DSCAM: variants seen among roughly 807,000 people sequenced by gnomAD.
DSCAM encodes the protein DS cell adhesion molecule.
Under a neutral mutation model 217.7 loss-of-function variants are expected in DSCAM, and 47 were observed. The observed-to-expected ratio is 0.22, with a 90% CI of 0.17 to 0.28. The LOEUF (loss-of-function observed/expected upper bound fraction) is 0.28. Among genes scored for constraint, DSCAM ranks in the 10% least tolerant of loss-of-function variants. The pLI, the probability that DSCAM is intolerant of heterozygous loss-of-function variation, is 1.00. For synonymous variants in DSCAM, 1,056 were observed against 1,015.3 expected (o/e 1.04, Z -0.76); for missense variants, 2,080 against 2,618.3 (o/e 0.79, Z 4.49).
intron 3 of DSCAM, among the ~76,000 whole-genome samples, chr21:40,628,004 T>C (rs1359020954): frequency 1.3e-5 from 2 of 152,228 alleles, no homozygotes; most frequent in Non-Finnish European, 2.9e-5. Context: ...ATGATTCAGA[T>C]GGTACATTTG....
intron 26 of DSCAM, among the ~76,000 whole-genome samples, chr21:40,075,787 G>C (rs563375582): frequency 6.6e-6 from 1 of 152,246 alleles, no homozygotes; most frequent in East Asian, 1.9e-4. Flanking sequence ...CTTTTCAAAG[G>C]GGACCCAACT....
intron 20 of DSCAM, among the ~76,000 whole-genome samples, chr21:40,123,515 T>A (rs2090057905): frequency 6.6e-6 from 1 of 152,178 alleles, no homozygotes; most frequent in Admixed American, 6.5e-5. Flanking sequence ...ATTTCCCTTT[T>A]TGATATGTTT....
chr21:40,025,190 T>C (rs1196402892), intron 32 of DSCAM, among the ~76,000 whole-genome samples: 1 of 90,874 alleles, frequency 1.1e-5, no homozygotes, highest in Non-Finnish European at 2.3e-5. Context: ...TTTGTGTATA[T>C]TGAACCAGCC....
At chr21:40,846,586 G>T (rs1441313385) in intron 1 of DSCAM, 33 bp downstream of exon 1, 2 of 1,110,750 alleles carry the variant, frequency 1.8e-6, no homozygotes, top group South Asian at 2.2e-5. Flanking sequence ...CAATGATAAG[G>T]AAACGAAATT....
chr21:40,406,879 A>G (rs2075283905), intron 3 of DSCAM, among the ~76,000 whole-genome samples: 1 of 152,160 alleles, frequency 6.6e-6, no homozygotes, highest in Non-Finnish European at 1.5e-5. Context: ...TCGACCTCCC[A>G]GAATTCTGGG....
At chr21:40,125,704 G>C (rs2090085974) in intron 19 of DSCAM, among the ~76,000 whole-genome samples, 2 of 152,154 alleles carry the variant, frequency 1.3e-5, no homozygotes, top group African/African-American at 4.8e-5. Context: ...GTCTAGAAAA[G>C]GTAACACACA....
rs1332303254 is a variant in DSCAM at position 40,055,744 on chromosome 21, T to A, written c.5016A>T (p.Arg1672Ser). 1 of 1,613,316 alleles carries A rather than the reference T, an allele frequency of 6.2e-7. No individual in the cohort carries two copies. The highest frequency in any genetic ancestry group is 8.5e-7 in the Non-Finnish European group (1 of 1,179,288). ...IPRAQLLIEE[R>S]DTMETIDDRS... ...GCTTACCAATGGTCTCCATCGTGTC[T>A]CTCTCTTCAATCAAAAGCTGAGCCC... The change falls in exon 29 of 33, where the codon AGA becomes AGT. Residue 1672 changes from arginine (R) to serine (S), a missense_variant. By Grantham distance (110) the Arg-to-Ser change is moderately radical. Transcript: ENST00000400454.
chr21:40,812,208 A>G lies in DSCAM; in HGVS notation c.43+34411T>C, dbSNP rs138355622. On this transcript the variant is annotated intron_variant, in intron 1 of 32. Transcript: ENST00000400454. ...TCAGAAAAATATAGCAAATCAACTG[A>G]GAGCCAGAAATCGTTACCATCTGAC... Among the ~76,000 whole-genome samples the G allele has an allele frequency of 4.2e-3, 637 of 152,344 alleles. 5 individuals are homozygous for G. The highest frequency in any genetic ancestry group is 0.015 in the African/African-American group (604 of 41,570).
At chr21:40,416,167 G>A (rs1302699424) in intron 3 of DSCAM, among the ~76,000 whole-genome samples, 1 of 152,068 alleles carries the variant, frequency 6.6e-6, no homozygotes, top group Non-Finnish European at 1.5e-5. Context: ...TTAACGCTCT[G>A]CTTCATACCT....
chr21:40,381,062 C>CAAAAAAAAAAAAAAAAAAA lies in DSCAM; in HGVS notation c.509-11836_509-11818dup, dbSNP rs71186932. Among the ~76,000 whole-genome samples, 77 of 66,204 alleles carry CAAAAAAAAAAAAAAAAAAA rather than the reference C, an allele frequency of 1.2e-3. 1 individual carries two copies. Among genetic ancestry groups the CAAAAAAAAAAAAAAAAAAA allele is most frequent in the Middle Eastern group, 0.014 (1 of 72 alleles). 43.4% of individuals were successfully genotyped at this position (66,204 alleles called of 152,430 possible). On this transcript the variant is annotated intron_variant, in intron 3 of 32. Transcript: ENST00000400454. Reference sequence around the variant, plus strand: ...TGGGCGACAGAGCGAGACTCCGTCTCAAAAAAAAAAAAAAAAAAAAAAGAA... The same window carrying CAAAAAAAAAAAAAAAAAAA: ...TGGGCGACAGAGCGAGACTCCGTCTCAAAAAAAAAAAAAAAAAAAAAAAAAAAAAAAAAAAAAAAAAGAA...
At chr21:40,709,767 C>A (rs1451485417) in intron 1 of DSCAM, among the ~76,000 whole-genome samples, 1 of 152,104 alleles carries the variant, frequency 6.6e-6, no homozygotes, top group Non-Finnish European at 1.5e-5. Context: ...GGTTCCAAGT[C>A]TTTGCTATTG....
chr21:40,579,495 G>C (rs1016444903), intron 3 of DSCAM, among the ~76,000 whole-genome samples: 1 of 152,154 alleles, frequency 6.6e-6, no homozygotes, highest in East Asian at 1.9e-4. Context: ...TATTTGAAGA[G>C]CTAAAATCTG....
intron 16 of DSCAM, among the ~76,000 whole-genome samples, chr21:40,146,888 T>C (rs567671143): frequency 2.0e-5 from 3 of 152,198 alleles, no homozygotes; most frequent in Non-Finnish European, 2.9e-5. Flanking sequence ...GAAAATTCAA[T>C]TACTCTATGT....
intron 3 of DSCAM, among the ~76,000 whole-genome samples, chr21:40,639,689 A>ATGTGTGTGTGTG (rs56796261): frequency 2.7e-5 from 4 of 150,282 alleles, no homozygotes; most frequent in Non-Finnish European, 5.9e-5. Context: ...ATGTGTGTGC[A>ATGTGTGTGTGTG]TGTGTGTGTG....
intron 1 of DSCAM, among the ~76,000 whole-genome samples, chr21:40,731,690 C>T (rs939615578): frequency 6.6e-6 from 1 of 151,430 alleles, no homozygotes; most frequent in Non-Finnish European, 1.5e-5. Flanking sequence ...GCCCATCTTA[C>T]AGGCCACATT....
At chr21:40,320,368 A>T (rs1427819590) in intron 8 of DSCAM, among the ~76,000 whole-genome samples, 2 of 152,178 alleles carry the variant, frequency 1.3e-5, no homozygotes, top group African/African-American at 4.8e-5. Context: ...TTTATTTTAC[A>T]CAATAAAGAT....
At chr21:40,693,696 T>G (rs886145666) in intron 2 of DSCAM, among the ~76,000 whole-genome samples, 2 of 152,210 alleles carry the variant, frequency 1.3e-5, no homozygotes, top group Non-Finnish European at 2.9e-5. Flanking sequence ...TAGTAAATTT[T>G]TAAATGACAG....
chr21:40,560,796 G>A (rs1324768690), intron 3 of DSCAM, among the ~76,000 whole-genome samples: 1 of 152,168 alleles, frequency 6.6e-6, no homozygotes, highest in Non-Finnish European at 1.5e-5. Flanking sequence ...TGCTGCCTCT[G>A]CCCAGCATCA....
intron 2 of DSCAM, among the ~76,000 whole-genome samples, chr21:40,707,858 T>A (rs1184382227): frequency 6.6e-6 from 1 of 152,142 alleles, no homozygotes; most frequent in Non-Finnish European, 1.5e-5. Context: ...CTTGTAGCAA[T>A]GGTGATTAAA....
Sources: allele counts gnomAD v4.1 joint callset (sites outside exome capture counted in the v4.1 genomes callset), GRCh38; gene constraint gnomAD v4.1.1; transcripts MANE v1.5; gene names NCBI Gene and HGNC (gene_info 2026-07-23, HGNC 2026-07-21).